SEPTIN6: variants seen among roughly 807,000 people sequenced by gnomAD.
The protein encoded by SEPTIN6 is septin 6.
Under a neutral mutation model 33.6 loss-of-function variants are expected in SEPTIN6, and 8 were observed. The observed-to-expected ratio is 0.24, with a 90% CI of 0.14 to 0.43. The LOEUF (loss-of-function observed/expected upper bound fraction) is 0.43, where lower values mean the gene tolerates loss of function less well. Among genes scored for constraint, SEPTIN6 ranks in the 20% least tolerant of loss-of-function variants. SEPTIN6 has a pLI of 1.00. For missense variants in SEPTIN6, 250 were observed against 340.8 expected, an observed-to-expected ratio of 0.73 and a Z score of 2.10; for synonymous variants, 131 against 140.0, an observed-to-expected ratio of 0.94 and a Z score of 0.45.
At chrX:119,664,868 G>A (rs1242032689) in intron 2 of SEPTIN6, among the ~76,000 whole-genome samples, 2 of 103,223 alleles carry the variant, frequency 1.9e-5, no homozygotes, top group African/African-American at 3.7e-5. Context: ...AAAAGACAGC[G>A]GTCCCTTGTC....
chrX:119,633,423 C>T lies in SEPTIN6; in HGVS notation c.1026G>A (p.Met342Ile). Residue 342 changes from methionine to isoleucine, a missense_variant, in exon 8 of 11, where the codon ATG becomes ATA. Met to Ile is a conservative substitution (Grantham distance 10). This residue lies in a region of SEPTIN6 where 139 missense variants were observed against 227.0 expected (regional missense o/e 0.61). Transcript: ENST00000394610. ...TGACTCGCTGGACGAACATCTGTCT[C>T]ATCTCCTCTTCTTTTTTCTGGAGTT... ...LGELQKKEEE[M>I]RQMFVQRVKE... 1 of 1,210,886 alleles carries T rather than the reference C, an allele frequency of 8.3e-7. No homozygotes were observed. The highest frequency in any genetic ancestry group is 1.7e-5 in the African/African-American group (1 of 57,853).
downstream of SEPTIN6, chrX:119,616,845 C>T (rs752743226): frequency 2.0e-5 from 22 of 1,081,929 alleles, no homozygotes; most frequent in Non-Finnish European, 2.7e-5. Flanking sequence ...TGAGGTAGCA[C>T]AGATTGTAGT....
intron 6 of SEPTIN6, among the ~76,000 whole-genome samples, chrX:119,639,884 A>G (rs2050740532): frequency 9.1e-6 from 1 of 110,154 alleles, no homozygotes; most frequent in Non-Finnish European, 1.9e-5. Flanking sequence ...GCTCACTGCA[A>G]TCTCTACCTC....
In SEPTIN6 at chrX:119,618,782, G is replaced by C; in HGVS notation, c.*1311C>G. 1 of 1,210,505 alleles carries C rather than the reference G, an allele frequency of 8.3e-7. No homozygotes were observed. Among genetic ancestry groups the C allele is most frequent in the Non-Finnish European group, 1.1e-6 (1 of 894,737 alleles). On this transcript the variant is annotated 3_prime_UTR_variant, in exon 11 of 11. Coordinates refer to ENST00000394610, the MANE Select transcript of SEPTIN6 (RefSeq NM_145799.4). Reference sequence around the variant, plus strand: ...GAATACTATTCAGTACACAGCCATGGATTACTGCAAAGGAAGGGCAGAGAG... The same window carrying C: ...GAATACTATTCAGTACACAGCCATGCATTACTGCAAAGGAAGGGCAGAGAG...
chrX:119,658,224 G>A (rs914377207), intron 3 of SEPTIN6, among the ~76,000 whole-genome samples: 1 of 112,101 alleles, frequency 8.9e-6, no homozygotes, highest in Admixed American at 9.5e-5. Flanking sequence ...ATGCATCTAC[G>A]CACATAAATA....
intron 4 of SEPTIN6, among the ~76,000 whole-genome samples, chrX:119,651,393 C>G (rs1188871169): frequency 8.9e-6 from 1 of 112,092 alleles, no homozygotes. Context: ...ATATATCAGG[C>G]CAGGGGCAGT....
intron 5 of SEPTIN6, among the ~76,000 whole-genome samples, chrX:119,649,317 C>T (rs1435133645): frequency 9.5e-6 from 1 of 105,594 alleles, no homozygotes; most frequent in Non-Finnish European, 1.9e-5. Flanking sequence ...TGGTCTCAAA[C>T]TCCCGACCTC....
chrX:119,646,113 G>A (rs1382325708), intron 5 of SEPTIN6, among the ~76,000 whole-genome samples: 1 of 111,645 alleles, frequency 9.0e-6, no homozygotes, highest in African/African-American at 3.2e-5. Context: ...CTCCCAGGGT[G>A]GACAGTGTTT....
intron 1 of SEPTIN6, among the ~76,000 whole-genome samples, chrX:119,685,954 G>C (rs1181233216): frequency 9.0e-6 from 1 of 111,414 alleles, no homozygotes; most frequent in Non-Finnish European, 1.9e-5. Flanking sequence ...TTCTGCTGAA[G>C]AACCCCAAGA....
Position 119,650,191 on chromosome X carries a change from C to T in SEPTIN6, c.529-93G>A, listed in dbSNP as rs111778292. 68 of 921,501 alleles carry T rather than the reference C, an allele frequency of 7.4e-5. No homozygotes were observed. In the African/African-American group the frequency reaches 7.5e-4, roughly 10 times the overall value. 75.9% of individuals were successfully genotyped at this position (921,501 alleles called of 1,213,427 possible). ...ACTTCCACCAGCTGCCAGAGGGAGC[C>T]GCTCAGCCCAGTGGTCAAAGACTGG... On this transcript the variant is annotated intron_variant, in intron 4 of 10. Coordinates refer to ENST00000394610, the MANE Select transcript of SEPTIN6 (RefSeq NM_145799.4).
chrX:119,639,950 C>T (rs1040542023), intron 6 of SEPTIN6, among the ~76,000 whole-genome samples: 152 of 100,116 alleles, frequency 1.5e-3, no homozygotes, highest in Middle Eastern at 5.0e-3. Context: ...ACTACAGGCA[C>T]ATGCCACCAT....
intron 2 of SEPTIN6, among the ~76,000 whole-genome samples, chrX:119,675,120 C>T (rs2054821300): frequency 9.0e-6 from 1 of 111,218 alleles, no homozygotes; most frequent in Non-Finnish European, 1.9e-5. Flanking sequence ...TGCCTGCACC[C>T]GAGCTCAAAC....
At chrX:119,653,164 A>C in intron 3 of SEPTIN6, 124 bp from the exon 4 acceptor site, 2 of 561,448 alleles carry the variant, frequency 3.6e-6, no homozygotes, top group Non-Finnish European at 5.6e-6. Flanking sequence ...GCATTTCTCC[A>C]TCTCCCTTCA....
intron 1 of SEPTIN6, among the ~76,000 whole-genome samples, chrX:119,684,853 C>T (rs1490292262): frequency 1.8e-5 from 2 of 111,683 alleles, no homozygotes; most frequent in Non-Finnish European, 3.8e-5. Flanking sequence ...ATCAGAATGT[C>T]CCTCATGCTA....
At chrX:119,670,538 G>A (rs1340094310) in intron 2 of SEPTIN6, among the ~76,000 whole-genome samples, 2 of 96,931 alleles carry the variant, frequency 2.1e-5, no homozygotes, top group Admixed American at 2.3e-4. Context: ...TGCAGCCTGG[G>A]TGACAGAGTG....
intron 3 of SEPTIN6, among the ~76,000 whole-genome samples, chrX:119,658,831 T>C (rs1447195711): frequency 8.9e-6 from 1 of 112,543 alleles, no homozygotes; most frequent in Non-Finnish European, 1.9e-5. Flanking sequence ...TGTAAATTAT[T>C]TGTTTATTTC....
chrX:119,686,513 G>T, intron 1 of SEPTIN6: 3 of 733,833 alleles, frequency 4.1e-6, no homozygotes, highest in Non-Finnish European at 5.6e-6. Context: ...GCAGATGGCT[G>T]CCTCTAATGA....
At chrX:119,667,263 A>G (rs1368386070) in intron 2 of SEPTIN6, among the ~76,000 whole-genome samples, 1 of 108,656 alleles carries the variant, frequency 9.2e-6, no homozygotes, top group Non-Finnish European at 1.9e-5. Context: ...TACCCCCGAG[A>G]GTGCCTAACC....
chrX:119,617,628 AG>A lies in SEPTIN6; in HGVS notation c.*2464del. The A allele has an allele frequency of 1.2e-6, 1 of 804,045 alleles. No homozygotes were observed. Among genetic ancestry groups the A allele is most frequent in the Non-Finnish European group, 1.5e-6 (1 of 669,487 alleles). 66.3% of individuals were successfully genotyped at this position (804,045 alleles called of 1,213,427 possible). A position where few individuals can be genotyped will look rare whatever the true frequency, so the allele number is the denominator to read the frequency against. On this transcript the variant is annotated 3_prime_UTR_variant, in exon 11 of 11. Coordinates refer to ENST00000394610, the MANE Select transcript of SEPTIN6 (RefSeq NM_145799.4). Reference sequence around the variant, plus strand: ...CTAGTCAGTTACTCTGAACATCAAAAGACCTCGTATCCAGGAATGTAACGTA... The same window carrying A: ...CTAGTCAGTTACTCTGAACATCAAAAACCTCGTATCCAGGAATGTAACGTA...
Sources: gnomAD v4.1 joint callset for allele counts (sites outside exome capture counted in the v4.1 genomes callset) on GRCh38, gnomAD v4.1.1 for gene constraint, gnomAD v4.1.1 regional missense constraint, MANE v1.5 for transcripts, NCBI Gene and HGNC (gene_info 2026-07-23, HGNC 2026-07-21) for gene names.